Variants in TCF12 observed in about 807,000 individuals in gnomAD.
The protein encoded by TCF12 is DNA-binding protein HTF4.
In TCF12, 45 loss-of-function variants were observed where a neutral mutation model predicts 86.0. The ratio of observed to expected loss-of-function variants is 0.52; its 90% CI spans 0.41 to 0.67. The LOEUF is 0.67. TCF12 is among the 30% of genes least tolerant of loss of function. TCF12 has a pLI of 0.00. For synonymous variants in TCF12, 330 were observed against 299.6 expected, an observed-to-expected ratio of 1.10 and a Z score of -1.05; for missense variants, 881 against 859.9, an observed-to-expected ratio of 1.02 and a Z score of -0.31.
At chr15:57,278,393 AT>A (rs1385189415) in intron 19 of TCF12, among the ~76,000 whole-genome samples, 2 of 152,196 alleles carry the variant, frequency 1.3e-5, no homozygotes, top group Admixed American at 1.3e-4. Context: ...AGGAAAATAT[AT>A]TGATAGGCAT....
At chr15:57,139,761 A>T (rs1346378038) in intron 5 of TCF12, among the ~76,000 whole-genome samples, 2 of 152,278 alleles carry the variant, frequency 1.3e-5, no homozygotes, top group South Asian at 2.1e-4. Context: ...TTGCTATGAC[A>T]CTCAAGAAAA....
chr15:57,201,245 T>C (rs546123921), intron 8 of TCF12, among the ~76,000 whole-genome samples: 1 of 152,086 alleles, frequency 6.6e-6, no homozygotes, highest in African/African-American at 2.4e-5. Flanking sequence ...AGGACCTCAC[T>C]ATCTTATATG....
chr15:57,222,708 A>C (rs2058655216), intron 8 of TCF12, among the ~76,000 whole-genome samples: 1 of 150,476 alleles, frequency 6.6e-6, no homozygotes, highest in African/African-American at 2.4e-5. Context: ...GTGAGAAAAA[A>C]GTCTTGAGAG....
At chr15:57,228,463 C>T (rs1345285611) in intron 8 of TCF12, among the ~76,000 whole-genome samples, 1 of 151,776 alleles carries the variant, frequency 6.6e-6, no homozygotes, top group Non-Finnish European at 1.5e-5. Context: ...TTTAAAAGTC[C>T]ATTGTTTTCA....
At chr15:57,231,038 C>T (rs1372518850) in intron 8 of TCF12, 114 bp from the exon 9 acceptor site, 3 of 684,630 alleles carry the variant, frequency 4.4e-6, no homozygotes, top group Admixed American at 4.6e-5. Flanking sequence ...TGTGGTAGCC[C>T]TTTATAAAAA....
chr15:57,221,420 A>G (rs1344137676), intron 8 of TCF12, among the ~76,000 whole-genome samples: 1 of 143,956 alleles, frequency 6.9e-6, no homozygotes, highest in Admixed American at 6.9e-5. Context: ...GTGCACGTGT[A>G]TAAGTTCAGT....
intron 3 of TCF12, among the ~76,000 whole-genome samples, chr15:57,003,608 G>A (rs2064177094): frequency 6.6e-6 from 1 of 152,204 alleles, no homozygotes; most frequent in Non-Finnish European, 1.5e-5. Context: ...CATTATAAGA[G>A]CTGAAGCAAG....
chr15:57,237,748 G>T (rs1182072590), intron 12 of TCF12, among the ~76,000 whole-genome samples: 1 of 152,130 alleles, frequency 6.6e-6, no homozygotes, highest in Non-Finnish European at 1.5e-5. Context: ...ACATATTCCT[G>T]ATTTAGAATA....
chr15:57,263,233 C>T lies in TCF12; in HGVS notation c.1704C>T (p.Ser568=). 1 of 1,611,780 alleles carries T rather than the reference C, an allele frequency of 6.2e-7. No individual in the cohort carries two copies. Among genetic ancestry groups the T allele is most frequent in the Non-Finnish European group, 8.5e-7 (1 of 1,179,440 alleles). The part of the protein sequence containing the change: ...SSDDMKSDDE[S]SQKDIKVSSR... ...ATGACATGAAGTCAGATGATGAATC[C>T]TCCCAAAAAGATATCAAGGTTTCAT... The change falls in exon 18 of 21, where the codon TCC becomes TCT. Residue 568 remains serine (S), a synonymous_variant. Coordinates refer to ENST00000333725, the MANE Select transcript of TCF12 (RefSeq NM_207037.2).
intron 3 of TCF12, among the ~76,000 whole-genome samples, chr15:56,934,880 T>C (rs554812704): frequency 1.4e-4 from 22 of 152,194 alleles, no homozygotes; most frequent in Non-Finnish European, 2.6e-4. Flanking sequence ...ATTAACTGGG[T>C]TTGGGAGAAA....
chr15:57,222,520 G>A (rs2058645786), intron 8 of TCF12, among the ~76,000 whole-genome samples: 1 of 151,520 alleles, frequency 6.6e-6, no homozygotes, highest in Non-Finnish European at 1.5e-5. Flanking sequence ...CATGTTGTAA[G>A]GTATTAATGT....
intron 3 of TCF12, among the ~76,000 whole-genome samples, chr15:57,003,037 A>T (rs550980997): frequency 3.3e-5 from 5 of 152,368 alleles, no homozygotes; most frequent in African/African-American, 1.2e-4. Context: ...TTCTTCTACA[A>T]GAGGAACATG....
chr15:57,024,216 C>CTTTTTTTTTTTTTTTTTT lies in TCF12; in HGVS notation c.149-39527_149-39510dup, dbSNP rs59793819. ...TGAGGACCCATACTCAAAAAAGTGT[C>CTTTTTTTTTTTTTTTTTT]TTTTTTTTTTTTTTTTTTTTTTTTG... On this transcript the variant is annotated intron_variant, in intron 3 of 20. Transcript: ENST00000333725. 1.8e-4 allele frequency among the ~76,000 whole-genome samples: 20 copies of CTTTTTTTTTTTTTTTTTT among 111,288 alleles called. 1 individual carries two copies. The highest frequency in any genetic ancestry group is 5.9e-4 in the African/African-American group (19 of 32,004). The allele number at this position is 111,288 out of a possible 152,430, so 73.0% of individuals were successfully genotyped here.
intron 3 of TCF12, among the ~76,000 whole-genome samples, chr15:56,931,579 G>A (rs1163564483): frequency 6.6e-6 from 1 of 152,152 alleles, no homozygotes; most frequent in African/African-American, 2.4e-5. Context: ...GTAGGGAACA[G>A]ACAAAATCAG....
intron 1 of TCF12, chr15:56,919,672 G>A (rs1357940334): frequency 1.6e-5 from 6 of 367,260 alleles, no homozygotes; most frequent in Non-Finnish European, 2.0e-5. Flanking sequence ...CCGCCGCGTC[G>A]ATCTCGGGCC....
intron 5 of TCF12, among the ~76,000 whole-genome samples, chr15:57,158,406 C>G (rs2054274309): frequency 6.6e-6 from 1 of 152,000 alleles, no homozygotes; most frequent in East Asian, 1.9e-4. Flanking sequence ...TCTCGAACTC[C>G]TGGGCTCAAG....
chr15:57,004,135 T>C (rs1157055522), intron 3 of TCF12, among the ~76,000 whole-genome samples: 1 of 152,214 alleles, frequency 6.6e-6, no homozygotes, highest in Non-Finnish European at 1.5e-5. Flanking sequence ...ATAATTAATT[T>C]TAGCTGTATA....
chr15:57,166,550 T>C (rs1331504195), intron 6 of TCF12, 84 bp downstream of exon 6: 1 of 1,197,820 alleles, frequency 8.3e-7, no homozygotes, highest in Non-Finnish European at 1.2e-6. Flanking sequence ...ATAGAAATTA[T>C]CCAATTTATT....
chr15:57,133,844 A>T, intron 5 of TCF12, among the ~76,000 whole-genome samples: 1 of 151,318 alleles, frequency 6.6e-6, no homozygotes, highest in African/African-American at 2.4e-5. Context: ...ACCTATTTTT[A>T]CCTCCTCTTC....
Sources: allele counts gnomAD v4.1 joint callset (sites outside exome capture counted in the v4.1 genomes callset), GRCh38; gene constraint gnomAD v4.1.1; transcripts MANE v1.5; gene names NCBI Gene and HGNC (gene_info 2026-07-23, HGNC 2026-07-21).